The following RBFOX1 variants were observed in gnomAD, a reference collection of about 807,000 sequenced individuals.
RBFOX1 encodes RNA binding fox-1 homolog 1.
RBFOX1 carries 8 observed loss-of-function variants against 57.7 expected under a neutral mutation model. That is an observed-to-expected ratio of 0.14 (90% CI 0.08 to 0.25). The LOEUF (loss-of-function observed/expected upper bound fraction) is 0.25. Ranked by LOEUF, RBFOX1 falls within the 10% of genes least tolerant of loss-of-function variation. RBFOX1 has a pLI of 1.00. For missense variants in RBFOX1, 611 were observed against 548.5 expected, an observed-to-expected ratio of 1.11 and a Z score of -1.14; for synonymous variants, 326 against 222.4, an observed-to-expected ratio of 1.47 and a Z score of -4.15.
intron 4 of RBFOX1, among the ~76,000 whole-genome samples, chr16:7,489,031 C>G (rs150219504): frequency 1.7e-3 from 261 of 152,300 alleles, no homozygotes; most frequent in African/African-American, 5.5e-3. Flanking sequence ...ATGCATCTAT[C>G]TCTATCTTTA....
intron 3 of RBFOX1, among the ~76,000 whole-genome samples, chr16:5,633,496 A>T (rs929098370): frequency 4.6e-5 from 7 of 152,202 alleles, no homozygotes; most frequent in African/African-American, 1.7e-4. Flanking sequence ...AAATATTCAC[A>T]AACTGTGTAT....
intron 5 of RBFOX1, among the ~76,000 whole-genome samples, chr16:7,559,555 C>G (rs752079840): frequency 6.6e-5 from 10 of 152,120 alleles, no homozygotes; most frequent in Non-Finnish European, 1.5e-4. Context: ...TAAGAGCAGC[C>G]CAAGAATTGT....
chr16:5,848,821 C>T (rs2056819070), intron 3 of RBFOX1, among the ~76,000 whole-genome samples: 2 of 151,950 alleles, frequency 1.3e-5, no homozygotes, highest in Admixed American at 6.6e-5. Flanking sequence ...TGGTGGCGGA[C>T]ACCTGTAATA....
chr16:7,349,666 C>T (rs770673907), intron 4 of RBFOX1, among the ~76,000 whole-genome samples: 28 of 152,192 alleles, frequency 1.8e-4, no homozygotes, highest in Non-Finnish European at 3.2e-4. Flanking sequence ...TTCAGAAAGA[C>T]GGATGGCTGT....
chr16:5,637,908 T>C (rs1454004800), intron 3 of RBFOX1, among the ~76,000 whole-genome samples: 1 of 152,200 alleles, frequency 6.6e-6, no homozygotes, highest in African/African-American at 2.4e-5. Flanking sequence ...CCCTGTTTCC[T>C]TGGCCAAGCA....
At chr16:6,033,039 G>A (rs2343566) in intron 1 of RBFOX1, among the ~76,000 whole-genome samples, 11,723 of 152,088 alleles carry the variant, frequency 0.077, 1,150 homozygotes, top group African/African-American at 0.23. Context: ...GTAGGGTTGG[G>A]TATGGCCTTG....
At chr16:7,709,852 T>C in intron 15 of RBFOX1, 1 of 1,201,774 alleles carries the variant, frequency 8.3e-7, no homozygotes, top group African/African-American at 1.6e-5. Context: ...CAGTAAGACG[T>C]GCCCATCACG....
intron 10 of RBFOX1, among the ~76,000 whole-genome samples, chr16:7,621,810 A>G (rs978930907): frequency 1.2e-4 from 18 of 152,342 alleles, no homozygotes; most frequent in Admixed American, 1.1e-3. Context: ...ACTGATCAGC[A>G]AACTTTGTCT....
chr16:6,649,215 C>G (rs1490944691), intron 2 of RBFOX1, among the ~76,000 whole-genome samples: 1 of 152,186 alleles, frequency 6.6e-6, no homozygotes, highest in East Asian at 1.9e-4. Context: ...GTAACTAGCT[C>G]ATTCAACTTA....
intron 3 of RBFOX1, among the ~76,000 whole-genome samples, chr16:7,039,626 C>A (rs551340417): frequency 1.3e-5 from 2 of 152,204 alleles, no homozygotes; most frequent in South Asian, 2.1e-4. Context: ...CCGCCATGAC[C>A]GGTGGTGGGA....
intron 3 of RBFOX1, among the ~76,000 whole-genome samples, chr16:6,705,736 G>T (rs2062622011): frequency 1.3e-5 from 2 of 152,072 alleles, no homozygotes; most frequent in South Asian, 2.1e-4. Flanking sequence ...TATAAATTAG[G>T]GCCTGGCATG....
intron 1 of RBFOX1, among the ~76,000 whole-genome samples, chr16:6,127,783 T>C (rs1484704693): frequency 2.0e-5 from 3 of 152,216 alleles, no homozygotes; most frequent in Non-Finnish European, 4.4e-5. Context: ...TTGAGTGACA[T>C]TGACTTGCTA....
At chr16:7,054,564 G>A (rs1049595585) in intron 4 of RBFOX1, among the ~76,000 whole-genome samples, 1 of 134,964 alleles carries the variant, frequency 7.4e-6, no homozygotes, top group African/African-American at 2.5e-5. Flanking sequence ...ATTTTTTAAG[G>A]GTTTCTGAAA....
At chr16:5,926,248 C>G (rs1353111351) in intron 4 of RBFOX1, among the ~76,000 whole-genome samples, 4 of 152,198 alleles carry the variant, frequency 2.6e-5, no homozygotes, top group African/African-American at 7.2e-5. Context: ...AAACCCAGGT[C>G]TATCTGAGTC....
intron 3 of RBFOX1, among the ~76,000 whole-genome samples, chr16:5,716,285 G>T (rs1460183545): frequency 3.3e-5 from 5 of 152,150 alleles, no homozygotes; most frequent in Admixed American, 2.6e-4. Flanking sequence ...AAGTTCAGGG[G>T]TGCAAGTACA....
intron 5 of RBFOX1, among the ~76,000 whole-genome samples, chr16:7,535,730 T>C (rs1027439230): frequency 6.6e-6 from 1 of 152,238 alleles, no homozygotes; most frequent in Non-Finnish European, 1.5e-5. Flanking sequence ...CACACATACA[T>C]TAATCTACTA....
intron 3 of RBFOX1, among the ~76,000 whole-genome samples, chr16:6,939,723 G>A (rs1290999972): frequency 6.6e-6 from 1 of 151,930 alleles, no homozygotes; most frequent in African/African-American, 2.4e-5. Context: ...TGTTGGCCGG[G>A]CTGGTCTCAG....
At position 7,076,931 on chromosome 16, in the gene RBFOX1, C is replaced by G. The variant is rs112399299; in HGVS notation, c.27+24833C>G. 3.3e-5 allele frequency among the ~76,000 whole-genome samples: 5 copies of G among 152,170 alleles called. No individual in the cohort carries two copies. In the South Asian group the frequency reaches 1.0e-3, roughly 32 times the overall value. ...TCTTAGTTAAACACTTACTTTCTAA[C>G]AATTTTCTAACATTGCATTTCTGAA... On this transcript the variant is annotated intron_variant, in intron 4 of 15. Coordinates refer to ENST00000550418, the MANE Select transcript of RBFOX1 (RefSeq NM_018723.4).
At chr16:5,984,284 C>T (rs928279864) in intron 4 of RBFOX1, among the ~76,000 whole-genome samples, 1 of 148,948 alleles carries the variant, frequency 6.7e-6, no homozygotes, top group African/African-American at 2.5e-5. Flanking sequence ...CCTAAATACA[C>T]GTTACCTCTC....
Sources: gnomAD v4.1 joint callset for allele counts (sites outside exome capture counted in the v4.1 genomes callset) on GRCh38, gnomAD v4.1.1 for gene constraint, MANE v1.5 for transcripts, NCBI Gene and HGNC (gene_info 2026-07-23, HGNC 2026-07-21) for gene names.